Variants in REV1 observed in about 807,000 individuals in gnomAD.
REV1 encodes the protein REV1 DNA directed polymerase.
A neutral mutation model predicts 137.4 loss-of-function variants in REV1; 42 were observed. The ratio of observed to expected loss-of-function variants is 0.31; its 90% confidence interval spans 0.24 to 0.40. REV1 has a LOEUF of 0.40. REV1 is among the 10% of genes least tolerant of loss of function. The probability of loss-of-function intolerance (pLI) is 1.00; values close to 1 mark genes in which losing one functional copy is unlikely to be tolerated. For synonymous variants in REV1, 524 were observed against 519.2 expected, an observed-to-expected ratio of 1.01 and a Z score of -0.12; for missense variants, 1,282 against 1,490.1, an observed-to-expected ratio of 0.86 and a Z score of 2.30.
chr2:99,455,839 A>G (rs1331252607), intron 3 of REV1, among the ~76,000 whole-genome samples: 1 of 152,162 alleles, frequency 6.6e-6, no homozygotes, highest in Admixed American at 6.5e-5. Flanking sequence ...ACACTTGCAT[A>G]TTCCCCCTTG....
intron 1 of REV1, among the ~76,000 whole-genome samples, chr2:99,469,370 G>A (rs1262758416): frequency 6.6e-6 from 1 of 152,178 alleles, no homozygotes; most frequent in African/African-American, 2.4e-5. Context: ...CTGTAAGACA[G>A]TCACATGTGG....
In REV1 at chr2:99,463,153, C is replaced by A. The variant is rs1197710971; in HGVS notation, c.55-531G>T. ...CATAGGTCAAAGAAGAATTTTCCCT[C>A]TATCAACTCAAGTTTTAATTTTATT... On this transcript the variant is annotated intron_variant, in intron 2 of 22. Transcript: ENST00000258428. Among the ~76,000 whole-genome samples the A allele has an allele frequency of 3.3e-5, 5 of 152,032 alleles. No homozygotes were observed. The East Asian group carries it at 7.7e-4, about 23-fold the overall frequency.
Position 99,453,451 on chromosome 2 carries a change from C to A in REV1, c.182-3947G>T, listed in dbSNP as rs148349831. On this transcript the variant is annotated intron_variant, in intron 3 of 22. Coordinates refer to ENST00000258428, the MANE Select transcript of REV1 (RefSeq NM_016316.4). ...CCAAACCGGGAAGCAAGAAGGAGCTCTAGAGCTAAAGCTGCTCTCTATTCA... is the reference window on the plus strand; with the variant it reads ...CCAAACCGGGAAGCAAGAAGGAGCTATAGAGCTAAAGCTGCTCTCTATTCA... Among the ~76,000 whole-genome samples, 6 of 152,244 alleles carry A rather than the reference C, an allele frequency of 3.9e-5. No individual in the cohort carries two copies. The East Asian group carries it at 1.2e-3, about 29-fold the overall frequency.
Position 99,475,788 on chromosome 2 carries a change from G to C in REV1, c.-10-10803C>G, listed in dbSNP as rs561129652. Reference sequence around the variant, plus strand: ...TAACAAGGTCAGGAGTTCAAGACCAGCCTGGTCAACATGGTAAAACCCCAT... The same window carrying C: ...TAACAAGGTCAGGAGTTCAAGACCACCCTGGTCAACATGGTAAAACCCCAT... On this transcript the variant is annotated intron_variant, in intron 1 of 22. Coordinates refer to ENST00000258428, the MANE Select transcript of REV1 (RefSeq NM_016316.4). Among the ~76,000 whole-genome samples the C allele has an allele frequency of 9.2e-5, 14 of 152,274 alleles. No homozygotes were observed. The South Asian group carries it at 1.7e-3, about 18-fold the overall frequency.
chr2:99,418,481 C>T (rs765274552), intron 12 of REV1, among the ~76,000 whole-genome samples: 1 of 152,200 alleles, frequency 6.6e-6, no homozygotes. Flanking sequence ...AAACTTTTAT[C>T]TTTAGCCCAG....
At chr2:99,445,952 C>T (rs554617036) in intron 4 of REV1, among the ~76,000 whole-genome samples, 23 of 152,238 alleles carry the variant, frequency 1.5e-4, no homozygotes, top group African/African-American at 4.8e-4. Flanking sequence ...GAGTATGTAA[C>T]GTTTATTAAA....
chr2:99,448,353 T>C (rs1682492778), intron 4 of REV1, among the ~76,000 whole-genome samples: 1 of 152,220 alleles, frequency 6.6e-6, no homozygotes, highest in African/African-American at 2.4e-5. Flanking sequence ...ATGTATTACA[T>C]ACCTCATGTC....
intron 13 of REV1, among the ~76,000 whole-genome samples, 186 bp downstream of exon 13, chr2:99,412,545 T>C (rs1486747171): frequency 6.6e-6 from 1 of 152,194 alleles, no homozygotes; most frequent in Non-Finnish European, 1.5e-5. Flanking sequence ...GTTTCCTCAG[T>C]CTCAGTCTTA....
intron 5 of REV1, 110 bp from the exon 6 acceptor site, chr2:99,439,420 A>G: frequency 4.5e-6 from 3 of 665,128 alleles, no homozygotes; most frequent in Non-Finnish European, 7.2e-6. Context: ...TCCCCCTTTA[A>G]AAACAGAAAA....
intron 9 of REV1, among the ~76,000 whole-genome samples, chr2:99,428,521 T>C (rs1261046599): frequency 6.6e-6 from 1 of 152,168 alleles, no homozygotes; most frequent in Non-Finnish European, 1.5e-5. Flanking sequence ...ATGTCATGAA[T>C]GGAAAACAGT....
rs759209603 is a variant in REV1 at position 99,439,300 on chromosome 2, C to A, written c.514G>T (p.Val172Phe). 6.2e-7 allele frequency: 1 copy of A among 1,604,292 alleles called. No homozygotes were observed. The highest frequency in any genetic ancestry group is 8.5e-7 in the Non-Finnish European group (1 of 1,173,816). ...KQLNNRVNHI[V>F]KKIETENEVK... is the part of the protein sequence containing the mutation. The stretch of plus-strand genomic sequence containing the variant: ...TCATTTTCCGTTTCAATCTTCTTAA[C>A]GATGTGATTTCTAAAGCAGGAAAAA... The change falls in exon 6 of 23, where the codon GTT becomes TTT. Residue 172 changes from valine (V) to phenylalanine (F), a missense_variant. Physicochemically the swap from Val to Phe is conservative, Grantham distance 50. This residue lies in a region of REV1 where 432 missense variants were observed against 438.0 expected (regional missense o/e 0.99). Coordinates refer to ENST00000258428, the MANE Select transcript of REV1 (RefSeq NM_016316.4).
rs1463462731 is a variant in REV1 at position 99,400,541 on chromosome 2, C to A, written c.*700G>T. ...ATATAACATAAAAATATTTTATATA[C>A]GTTTGAAAAATCTATACCGTTCTTT... On this transcript the variant is annotated 3_prime_UTR_variant, in exon 23 of 23. Transcript: ENST00000258428. 2 of 152,028 alleles carry A rather than the reference C, an allele frequency of 1.3e-5. No individual in the cohort carries two copies. The highest frequency in any genetic ancestry group is 4.8e-5 in the African/African-American group (2 of 41,378). 9.4% of individuals were successfully genotyped at this position (152,028 alleles called of 1,614,324 possible).
intron 8 of REV1, chr2:99,431,963 A>T (rs967623536): frequency 1.1e-6 from 1 of 906,680 alleles, no homozygotes; most frequent in African/African-American, 1.8e-5. Flanking sequence ...AATCGCTGAG[A>T]ATAAATCTAT....
intron 9 of REV1, among the ~76,000 whole-genome samples, chr2:99,425,554 T>C (rs1679224722): frequency 6.6e-6 from 1 of 152,082 alleles, no homozygotes; most frequent in African/African-American, 2.4e-5. Context: ...TGTCCACTAA[T>C]GAAGAAAGTA....
Position 99,431,049 on chromosome 2 carries a change from C to T in REV1, c.1439-1101G>A, listed in dbSNP as rs936811183. Among the ~76,000 whole-genome samples the T allele has an allele frequency of 3.3e-5, 5 of 152,306 alleles. No homozygotes were observed. In the South Asian group the frequency reaches 8.3e-4, roughly 25 times the overall value. On this transcript the variant is annotated intron_variant, in intron 8 of 22. Coordinates refer to ENST00000258428, the MANE Select transcript of REV1 (RefSeq NM_016316.4). ...TTTTGTTTATTTCAGACTCACTGTTCTGTGAAGTCAGCCACGTTAATGCAC... is the reference window on the plus strand; with the variant it reads ...TTTTGTTTATTTCAGACTCACTGTTTTGTGAAGTCAGCCACGTTAATGCAC...
intron 4 of REV1, among the ~76,000 whole-genome samples, chr2:99,444,476 T>C (rs1681935614): frequency 6.6e-6 from 1 of 152,170 alleles, no homozygotes; most frequent in Admixed American, 6.5e-5. Flanking sequence ...TACAAGGGTG[T>C]CAGGCCTTAT....
intron 12 of REV1, among the ~76,000 whole-genome samples, chr2:99,415,207 A>G (rs1404454195): frequency 6.6e-6 from 1 of 152,210 alleles, no homozygotes; most frequent in Non-Finnish European, 1.5e-5. Context: ...GTAGGTGTTT[A>G]TAAGGGAAAG....
chr2:99,408,064 G>T lies in REV1; in HGVS notation c.2413C>A (p.His805Asn). ...IIGKAMLNMF[H>N]TMKLNISDMR... Reference sequence around the variant, plus strand: ...TCTGATATATTTAGTTTCATTGTATGAAACATGTTTAGCATCGCCTTTCCA... The same window carrying T: ...TCTGATATATTTAGTTTCATTGTATTAAACATGTTTAGCATCGCCTTTCCA... The change falls in exon 15 of 23, where the codon CAT becomes AAT. Residue 805 changes from histidine (H) to asparagine (N), a missense_variant. His to Asn is a moderately conservative substitution (Grantham distance 68). Transcript: ENST00000258428. 6.2e-7 allele frequency: 1 copy of T among 1,609,324 alleles called. No homozygotes were observed. Among genetic ancestry groups the T allele is most frequent in the East Asian group, 2.2e-5 (1 of 44,680 alleles).
At chr2:99,473,584 T>C (rs1685652910) in intron 1 of REV1, among the ~76,000 whole-genome samples, 1 of 152,196 alleles carries the variant, frequency 6.6e-6, no homozygotes, top group Non-Finnish European at 1.5e-5. Context: ...AAGTCTAAGA[T>C]ATTTAGATCA....
Sources: allele counts gnomAD v4.1 joint callset (sites outside exome capture counted in the v4.1 genomes callset), GRCh38; gene constraint gnomAD v4.1.1; regional missense constraint gnomAD v4.1.1; transcripts MANE v1.5; gene names NCBI Gene and HGNC (gene_info 2026-07-23, HGNC 2026-07-21).